LACTB2: variants seen among roughly 807,000 people sequenced by gnomAD.
LACTB2 encodes endoribonuclease LACTB2.
LACTB2 carries 32 observed loss-of-function variants against 34.8 expected under a neutral mutation model. The observed-to-expected ratio is 0.92, with a 90% CI of 0.69 to 1.24. The LOEUF (loss-of-function observed/expected upper bound fraction) is 1.24. LACTB2 is among the 50% of genes most tolerant of loss of function. LACTB2 has a pLI of 0.00. For missense variants in LACTB2, 320 were observed against 345.0 expected (o/e 0.93, Z 0.57); for synonymous variants, 120 against 117.5 (o/e 1.02, Z -0.14).
chr8:70,640,976 G>A lies in LACTB2; in HGVS notation c.667C>T (p.Gln223Ter), dbSNP rs1818190086. 4 of 1,610,018 alleles carry A rather than the reference G, an allele frequency of 2.5e-6. No homozygotes were observed. In the South Asian group the frequency reaches 4.4e-5, roughly 18 times the overall value. Reference sequence around the variant, plus strand: ...TTCTCACGAAATAATGTAAGAATTTGCTGCTCTCGAATATTTCTGTGAGAA... The same window carrying A: ...TTCTCACGAAATAATGTAAGAATTTACTGCTCTCGAATATTTCTGTGAGAA... ...YISHRNIREQ[Q>*]ILTLFRENFE... Residue 223 changes from glutamine to a stop codon, truncating the protein, a stop_gained, in exon 5 of 7, where the codon CAA becomes TAA. Transcript: ENST00000276590. LOFTEE classifies it high-confidence loss of function.
At chr8:70,668,851 G>C in intron 1 of LACTB2, 148 bp downstream of exon 1, 1 of 1,002,316 alleles carries the variant, frequency 1.0e-6, no homozygotes, top group Non-Finnish European at 1.4e-6. Context: ...GAGTGTCTGC[G>C]TGCAGTCCCG....
At chr8:70,655,947 A>G (rs1195717644) in intron 3 of LACTB2, among the ~76,000 whole-genome samples, 3 of 152,196 alleles carry the variant, frequency 2.0e-5, no homozygotes, top group Non-Finnish European at 4.4e-5. Context: ...TTCCCTGATC[A>G]TTAGTGATGT....
chr8:70,661,981 A>C (rs763815951), intron 1 of LACTB2, 84 bp from the exon 2 acceptor site: 10 of 1,164,744 alleles, frequency 8.6e-6, no homozygotes, highest in African/African-American at 1.6e-5. Flanking sequence ...ATTTACATTA[A>C]AGAAACTGCA....
intron 3 of LACTB2, among the ~76,000 whole-genome samples, chr8:70,656,382 G>C (rs543893131): frequency 1.5e-3 from 231 of 152,224 alleles, no homozygotes; most frequent in Admixed American, 3.3e-3. Context: ...TGAGGATCCA[G>C]TTTCATTCTC....
chr8:70,648,905 C>A (rs1326014156), intron 3 of LACTB2, among the ~76,000 whole-genome samples: 2 of 151,396 alleles, frequency 1.3e-5, no homozygotes, highest in African/African-American at 4.9e-5. Context: ...TTTCAGGATA[C>A]AGTGGAAAAG....
intron 3 of LACTB2, chr8:70,651,736 A>C (rs191220984): frequency 6.6e-6 from 1 of 152,278 alleles, no homozygotes; most frequent in Admixed American, 6.5e-5. Flanking sequence ...AAATTGGGGA[A>C]TCAGTAATCT....
rs765722510 is a variant in LACTB2 at position 70,657,785 on chromosome 8, A to G, written c.384T>C (p.Asp128=). The G allele has an allele frequency of 2.5e-6, 4 of 1,612,872 alleles. No individual in the cohort carries two copies. Among genetic ancestry groups the G allele is most frequent in the Non-Finnish European group, 3.4e-6 (4 of 1,179,306 alleles). The part of the protein sequence containing the change: ...EQQYVYLKDG[D]VIKTEGATLR... Reference sequence around the variant, plus strand: ...GAGTGGCTCCCTCAGTCTTAATCACATCTCCATCTTTCAGATAAACATATT... The same window carrying G: ...GAGTGGCTCCCTCAGTCTTAATCACGTCTCCATCTTTCAGATAAACATATT... The change falls in exon 3 of 7, where the codon GAT becomes GAC. Residue 128 remains aspartate (D), a synonymous_variant. Transcript: ENST00000276590.
At chr8:70,655,889 C>T (rs1273105248) in intron 3 of LACTB2, among the ~76,000 whole-genome samples, 1 of 152,156 alleles carries the variant, frequency 6.6e-6, no homozygotes, top group African/African-American at 2.4e-5. Flanking sequence ...TGATTATGGC[C>T]ATTCTTGCAG....
At position 70,637,509 on chromosome 8, in the gene LACTB2, T is replaced by G. The variant is rs1818138753; in HGVS notation, c.*351A>C. 6.4e-6 allele frequency: 1 copy of G among 155,788 alleles called. No homozygotes were observed. Among genetic ancestry groups the G allele is most frequent in the Non-Finnish European group, 1.4e-5 (1 of 70,594 alleles). 9.7% of individuals were successfully genotyped at this position (155,788 alleles called of 1,614,324 possible). On this transcript the variant is annotated 3_prime_UTR_variant, in exon 7 of 7. Transcript: ENST00000276590. Reference sequence around the variant, plus strand: ...AATAAAGTAGCTATAGAAAACAGTATAACTGATCACTAGTAATAGATAACT... The same window carrying G: ...AATAAAGTAGCTATAGAAAACAGTAGAACTGATCACTAGTAATAGATAACT...
At chr8:70,651,159 T>C (rs550152401) in intron 3 of LACTB2, among the ~76,000 whole-genome samples, 1 of 152,130 alleles carries the variant, frequency 6.6e-6, no homozygotes, top group Non-Finnish European at 1.5e-5. Flanking sequence ...TCTAATAATA[T>C]AATAGATATA....
At chr8:70,641,998 T>G (rs1818204277) in intron 4 of LACTB2, among the ~76,000 whole-genome samples, 2 of 152,170 alleles carry the variant, frequency 1.3e-5, no homozygotes, top group Non-Finnish European at 2.9e-5. Flanking sequence ...TTGGTGAGGA[T>G]GACAACTGTA....
At position 70,637,655 on chromosome 8, in the gene LACTB2, A is replaced by G; in HGVS notation, c.*205T>C. 1 of 339,718 alleles carries G rather than the reference A, an allele frequency of 2.9e-6. No individual in the cohort carries two copies. Among genetic ancestry groups the G allele is most frequent in the South Asian group, 1.5e-4 (1 of 6,668 alleles). 21.0% of individuals were successfully genotyped at this position (339,718 alleles called of 1,614,324 possible). ...GATTATGAATTTTTGGTAAAACGTT[A>G]GAAGACAAGGTTAGAGAAATAACCT... On this transcript the variant is annotated 3_prime_UTR_variant, in exon 7 of 7. Transcript: ENST00000276590.
chr8:70,646,825 T>C (rs1290545431), intron 3 of LACTB2: 1 of 152,250 alleles, frequency 6.6e-6, no homozygotes, highest in Non-Finnish European at 1.5e-5. Flanking sequence ...CTGTTGCCTC[T>C]ATATTCTTCT....
intron 2 of LACTB2, chr8:70,660,674 TTC>T: frequency 2.2e-6 from 1 of 456,414 alleles, no homozygotes; most frequent in South Asian, 1.5e-5. Context: ...AGCTTGCTCC[TTC>T]TCTCTGTCCA....
intron 3 of LACTB2, among the ~76,000 whole-genome samples, chr8:70,655,171 T>C (rs964514407): frequency 1.3e-5 from 2 of 151,920 alleles, no homozygotes; most frequent in African/African-American, 2.4e-5. Context: ...TTTAGAATAA[T>C]AGTCTCCAAT....
At chr8:70,668,495 C>T (rs1818567193) in intron 1 of LACTB2, among the ~76,000 whole-genome samples, 1 of 152,218 alleles carries the variant, frequency 6.6e-6, no homozygotes, top group African/African-American at 2.4e-5. Context: ...CTCTTATGAG[C>T]CCACAGGCTG....
At chr8:70,659,541 G>T (rs1818456556) in intron 2 of LACTB2, among the ~76,000 whole-genome samples, 1 of 152,092 alleles carries the variant, frequency 6.6e-6, no homozygotes, top group African/African-American at 2.4e-5. Context: ...TATCTAAGAG[G>T]CCGAAGGAAA....
intron 1 of LACTB2, 55 bp from the exon 2 acceptor site, chr8:70,661,952 A>G: frequency 7.1e-7 from 1 of 1,418,246 alleles, no homozygotes; most frequent in Non-Finnish European, 9.5e-7. Flanking sequence ...TGACATTAGC[A>G]TTATTTTGCA....
rs145970120 is a variant in LACTB2 at position 70,659,874 on chromosome 8, T to C, written c.286+1860A>G. Reference sequence around the variant, plus strand: ...CAAAGCAGCATGAGGGGACCTCTTTTTGGAATGGAGGAAGTGTTCCATATC... The same window carrying C: ...CAAAGCAGCATGAGGGGACCTCTTTCTGGAATGGAGGAAGTGTTCCATATC... On this transcript the variant is annotated intron_variant, in intron 2 of 6. Coordinates refer to ENST00000276590, the MANE Select transcript of LACTB2 (RefSeq NM_016027.3). Among the ~76,000 whole-genome samples the C allele has an allele frequency of 1.8e-3, 273 of 152,286 alleles. 3 individuals carry two copies. Among genetic ancestry groups the C allele is most frequent in the Admixed American group, 0.014 (221 of 15,296 alleles).
Sources: allele counts gnomAD v4.1 joint callset (sites outside exome capture counted in the v4.1 genomes callset), GRCh38; gene constraint gnomAD v4.1.1; transcripts MANE v1.5; gene names NCBI Gene and HGNC (gene_info 2026-07-23, HGNC 2026-07-21).